Variants in IGSF21 observed in about 807,000 individuals in gnomAD.
IGSF21 encodes the protein immunoglobin superfamily member 21.
IGSF21 carries 28 observed loss-of-function variants against 46.8 expected under a neutral mutation model. The ratio of observed to expected loss-of-function variants is 0.60; its 90% CI spans 0.44 to 0.82. IGSF21 has a LOEUF of 0.82. Among genes scored for constraint, IGSF21 ranks in the 40% least tolerant of loss-of-function variants. IGSF21 has a pLI of 0.00. For missense variants in IGSF21, 624 were observed against 665.5 expected (o/e 0.94, Z 0.69); for synonymous variants, 284 against 273.6 (o/e 1.04, Z -0.38).
chr1:18,196,655 T>G, intron 1 of IGSF21, among the ~76,000 whole-genome samples: 1 of 152,168 alleles, frequency 6.6e-6, no homozygotes, highest in East Asian at 1.9e-4. Flanking sequence ...CAGAGCCACA[T>G]AATGGCCCCA....
intron 2 of IGSF21, among the ~76,000 whole-genome samples, chr1:18,279,269 T>G (rs1415297141): frequency 6.6e-6 from 1 of 152,234 alleles, no homozygotes; most frequent in African/African-American, 2.4e-5. Context: ...GATACATCTC[T>G]TCCATCTTCC....
chr1:18,307,160 C>T (rs2085434762), intron 3 of IGSF21, among the ~76,000 whole-genome samples: 2 of 151,570 alleles, frequency 1.3e-5, no homozygotes, highest in African/African-American at 4.8e-5. Flanking sequence ...TTTTTTTCCC[C>T]TGCTTGGTTA....
At chr1:18,118,470 G>A (rs1413333044) in intron 1 of IGSF21, among the ~76,000 whole-genome samples, 1 of 152,200 alleles carries the variant, frequency 6.6e-6, no homozygotes, top group Admixed American at 6.5e-5. Flanking sequence ...TTGTCGAGTG[G>A]GTATTCAGAC....
chr1:18,283,608 C>CAGGCGGCT (rs2085183989), intron 2 of IGSF21, among the ~76,000 whole-genome samples: 1 of 152,118 alleles, frequency 6.6e-6, no homozygotes, highest in Non-Finnish European at 1.5e-5. Flanking sequence ...AGCAGGCGGC[C>CAGGCGGCT]AGGCGGCTGA....
chr1:18,142,754 C>T (rs1406434012), intron 1 of IGSF21, among the ~76,000 whole-genome samples: 1 of 152,210 alleles, frequency 6.6e-6, no homozygotes, highest in Non-Finnish European at 1.5e-5. Context: ...ATTAGCGCTT[C>T]CCCCAGATGG....
chr1:18,210,049 G>C (rs957751340), intron 1 of IGSF21, among the ~76,000 whole-genome samples: 14 of 152,188 alleles, frequency 9.2e-5, no homozygotes, highest in African/African-American at 3.4e-4. Flanking sequence ...AAGTTAGATG[G>C]TGTGTGAATC....
Position 18,376,953 on chromosome 1 carries a change from C to A in IGSF21, c.1255C>A (p.Leu419Met). Reference protein sequence around the residue: ...SMYRCTAQNPLGSTDTHTRLI... With the variant: ...SMYRCTAQNPMGSTDTHTRLI... ...GTATCGCTGCACCGCCCAGAACCCA[C>A]TGGGCTCCACCGACACGCACACCCG... Residue 419 changes from leucine to methionine, a missense_variant, in exon 8 of 10, where the codon CTG becomes ATG. By Grantham distance (15) the Leu-to-Met change is conservative. Transcript: ENST00000251296. 6.2e-7 allele frequency: 1 copy of A among 1,603,050 alleles called. No homozygotes were observed. The highest frequency in any genetic ancestry group is 8.5e-7 in the Non-Finnish European group (1 of 1,171,206).
chr1:18,303,805 C>A (rs2085385220), intron 3 of IGSF21, among the ~76,000 whole-genome samples: 1 of 152,082 alleles, frequency 6.6e-6, no homozygotes, highest in Admixed American at 6.5e-5. Flanking sequence ...GGGGCTCTGC[C>A]AGGAAGAGGT....
At chr1:18,271,837 G>A (rs1217674205) in intron 2 of IGSF21, among the ~76,000 whole-genome samples, 1 of 152,164 alleles carries the variant, frequency 6.6e-6, no homozygotes, top group Non-Finnish European at 1.5e-5. Flanking sequence ...CAAGACCATG[G>A]GTGAGTAGCT....
rs191435131 is a variant in IGSF21, at chr1:18,336,873, A to G, written c.424+1863A>G. 7.2e-5 allele frequency among the ~76,000 whole-genome samples: 11 copies of G among 152,330 alleles called. No individual in the cohort carries two copies. The East Asian group carries it at 1.2e-3, about 16-fold the overall frequency. On this transcript the variant is annotated intron_variant, in intron 4 of 9. Coordinates refer to ENST00000251296, the MANE Select transcript of IGSF21 (RefSeq NM_032880.5). ...TCACAATCGCGGTGGAAGGTGAAAGACACATCTCACATGGTGGAAGACAAG... is the reference window on the plus strand; with the variant it reads ...TCACAATCGCGGTGGAAGGTGAAAGGCACATCTCACATGGTGGAAGACAAG...
At chr1:18,125,132 G>A (rs1276782897) in intron 1 of IGSF21, among the ~76,000 whole-genome samples, 1 of 152,316 alleles carries the variant, frequency 6.6e-6, no homozygotes, top group African/African-American at 2.4e-5. Context: ...CTGTCCCCCT[G>A]CCACACAGGC....
At chr1:18,357,772 C>T (rs1386371276) in intron 4 of IGSF21, among the ~76,000 whole-genome samples, 1 of 152,078 alleles carries the variant, frequency 6.6e-6, no homozygotes, top group African/African-American at 2.4e-5. Context: ...GAGCCCTCCA[C>T]CAGGAGACAG....
In IGSF21 at chr1:18,260,454, C is replaced by T. The variant is rs998450017; in HGVS notation, c.184-31412C>T. Among the ~76,000 whole-genome samples, 9 of 152,326 alleles carry T rather than the reference C, an allele frequency of 5.9e-5. No individual in the cohort carries two copies. The South Asian group carries it at 8.3e-4, about 14-fold the overall frequency. ...AGCGACTTCTATTGAAGCGGCAGTGCGCAGCAGCCGCTGAGGGAATGCTCC... is the reference window on the plus strand; with the variant it reads ...AGCGACTTCTATTGAAGCGGCAGTGTGCAGCAGCCGCTGAGGGAATGCTCC... On this transcript the variant is annotated intron_variant, in intron 2 of 9. Coordinates refer to ENST00000251296, the MANE Select transcript of IGSF21 (RefSeq NM_032880.5).
chr1:18,159,156 C>T (rs1405671097), intron 1 of IGSF21, among the ~76,000 whole-genome samples: 2 of 152,230 alleles, frequency 1.3e-5, no homozygotes, highest in Non-Finnish European at 2.9e-5. Context: ...TCTATTGACC[C>T]ACTAGCCTGG....
intron 1 of IGSF21, among the ~76,000 whole-genome samples, chr1:18,128,100 C>T (rs1429158154): frequency 2.6e-5 from 4 of 152,198 alleles, no homozygotes; most frequent in Non-Finnish European, 5.9e-5. Context: ...GGATAACTTA[C>T]TACTCGTTTA....
In IGSF21 at chr1:18,119,852, C is replaced by A. The variant is rs1462032272; in HGVS notation, c.70+11654C>A. Among the ~76,000 whole-genome samples, 3 of 151,696 alleles carry A rather than the reference C, an allele frequency of 2.0e-5. No individual in the cohort carries two copies. In the East Asian group the frequency reaches 5.8e-4, roughly 29 times the overall value. ...GCCATTTGGGGCAGTGATTTAAATT[C>A]TCCCTCTTTTAAAAAAATGGCTTTA... On this transcript the variant is annotated intron_variant, in intron 1 of 9. Coordinates refer to ENST00000251296, the MANE Select transcript of IGSF21 (RefSeq NM_032880.5).
chr1:18,306,654 T>C (rs1242158232), intron 3 of IGSF21, among the ~76,000 whole-genome samples: 2 of 152,202 alleles, frequency 1.3e-5, no homozygotes, highest in Admixed American at 1.3e-4. Context: ...AGCGAATTCC[T>C]GATCAGAGGG....
intron 1 of IGSF21, among the ~76,000 whole-genome samples, chr1:18,192,256 C>T (rs1489143151): frequency 2.6e-5 from 4 of 152,218 alleles, no homozygotes; most frequent in African/African-American, 7.2e-5. Context: ...TCTTGTCTAA[C>T]ACCTTCTTGC....
intron 4 of IGSF21, among the ~76,000 whole-genome samples, chr1:18,357,761 A>G (rs2086036532): frequency 6.6e-6 from 1 of 152,116 alleles, no homozygotes; most frequent in African/African-American, 2.4e-5. Context: ...GCCGGCACTC[A>G]GAGCCCTCCA....
Sources: gnomAD v4.1 joint callset for allele counts (sites outside exome capture counted in the v4.1 genomes callset) on GRCh38, gnomAD v4.1.1 for gene constraint, MANE v1.5 for transcripts, NCBI Gene and HGNC (gene_info 2026-07-23, HGNC 2026-07-21) for gene names.